Variants in DNAH9 observed in about 807,000 individuals in gnomAD.
DNAH9 encodes the protein dynein axonemal heavy chain 9.
Under a neutral mutation model 471.6 loss-of-function variants are expected in DNAH9, and 345 were observed. The ratio of observed to expected loss-of-function variants is 0.73; its 90% CI spans 0.67 to 0.80. DNAH9 has a LOEUF of 0.80. Ranked by LOEUF, DNAH9 falls within the 30% of genes least tolerant of loss-of-function variation. DNAH9 has a pLI of 0.00. For missense variants in DNAH9, 5,407 were observed against 5,609.2 expected, an observed-to-expected ratio of 0.96 and a Z score of 1.15; for synonymous variants, 2,093 against 2,123.6, an observed-to-expected ratio of 0.99 and a Z score of 0.40.
chr17:11,969,432 C>T lies in DNAH9; in HGVS notation c.13366C>T (p.Arg4456Trp), dbSNP rs767542488. 1.2e-6 allele frequency: 2 copies of T among 1,613,864 alleles called. No homozygotes were observed. Among genetic ancestry groups the T allele is most frequent in the East Asian group, 2.2e-5 (1 of 44,868 alleles). ...CTGTCCTGTGTACAAGACTAGTCAGCGGGGACCCACCTACGTGTGGACTTT... is the reference window on the plus strand; with the variant it reads ...CTGTCCTGTGTACAAGACTAGTCAGTGGGGACCCACCTACGTGTGGACTTT... Reference protein sequence around the residue: ...YSCPVYKTSQRGPTYVWTFNL... With the variant: ...YSCPVYKTSQWGPTYVWTFNL... Residue 4456 changes from arginine (R) to tryptophan (W), a missense_variant, in exon 69 of 69, where the codon CGG becomes TGG. Arg to Trp is a moderately radical substitution (Grantham distance 101). Transcript: ENST00000262442.
Position 11,727,839 on chromosome 17 carries a change from G to A in DNAH9, c.5731G>A (p.Gly1911Ser). The A allele has an allele frequency of 6.2e-7, 1 of 1,613,858 alleles. No individual in the cohort carries two copies. The highest frequency in any genetic ancestry group is 8.5e-7 in the Non-Finnish European group (1 of 1,179,750). Reference protein sequence around the residue: ...DYKSCGNIYKGLAQTGAWGCF... With the variant: ...DYKSCGNIYKSLAQTGAWGCF... ...GCAGTCTTGTGGCAACATCTACAAA[G>A]GCCTTGCTCAGACTGGTGCCTGGGG... The change falls in exon 28 of 69, where the codon GGC (glycine) becomes AGC (serine). Residue 1911 changes from glycine (G) to serine (S), a missense_variant. Gly to Ser is a moderately conservative substitution (Grantham distance 56). Coordinates refer to ENST00000262442, the MANE Select transcript of DNAH9 (RefSeq NM_001372.4).
Position 11,797,219 on chromosome 17 carries a change from A to C in DNAH9, c.8224-378A>C, listed in dbSNP as rs76428087. 3.4e-3 allele frequency among the ~76,000 whole-genome samples: 511 copies of C among 152,218 alleles called. 6 individuals are homozygous for C. The highest frequency in any genetic ancestry group is 0.012 in the African/African-American group (485 of 41,526). ...AGATCTGTTGGAATGTACATGCAGAAAGTGAGGCGATTGGGCCACGATCCC... is the reference window on the plus strand; with the variant it reads ...AGATCTGTTGGAATGTACATGCAGACAGTGAGGCGATTGGGCCACGATCCC... On this transcript the variant is annotated intron_variant, in intron 42 of 68. Transcript: ENST00000262442.
In DNAH9 at chr17:11,937,637, A is replaced by G; in HGVS notation, c.12660+115A>G. On this transcript the variant is annotated intron_variant, in intron 66 of 68. Coordinates refer to ENST00000262442, the MANE Select transcript of DNAH9 (RefSeq NM_001372.4). The surrounding 1 kb of genome is among the most constrained non-coding windows in gnomAD (Gnocchi z 4.1). ...ACACAGCATAGACAACACACAAAGC[A>G]CCAACCACCTGCAGCCTGGAGATGC... is the stretch of plus-strand genomic sequence containing the variant. 1.7e-6 allele frequency: 2 copies of G among 1,162,412 alleles called. No homozygotes were observed. The highest frequency in any genetic ancestry group is 2.7e-5 in the East Asian group (1 of 36,520). 72.0% of individuals were successfully genotyped at this position (1,162,412 alleles called of 1,614,324 possible).
intron 59 of DNAH9, among the ~76,000 whole-genome samples, chr17:11,895,437 GAGTAA>G (rs1973190241): frequency 6.6e-6 from 1 of 152,186 alleles, no homozygotes; most frequent in African/African-American, 2.4e-5. Context: ...AGAAGTATAA[GAGTAA>G]AGTAATATGA....
chr17:11,884,156 C>T (rs994663921), intron 56 of DNAH9, among the ~76,000 whole-genome samples: 2 of 152,078 alleles, frequency 1.3e-5, no homozygotes, highest in African/African-American at 4.8e-5. Flanking sequence ...CTGACAAAAC[C>T]CACCGGACCG....
chr17:11,729,072 G>A (rs2075210836), intron 28 of DNAH9, among the ~76,000 whole-genome samples: 1 of 152,154 alleles, frequency 6.6e-6, no homozygotes, highest in African/African-American at 2.4e-5. Context: ...AGGCATCAGA[G>A]AACCCCCAGA....
intron 32 of DNAH9, among the ~76,000 whole-genome samples, chr17:11,748,917 C>T (rs12944564): frequency 6.6e-6 from 1 of 152,118 alleles, no homozygotes; most frequent in South Asian, 2.1e-4. Flanking sequence ...GAGCTTTCAT[C>T]TGAGGTCTAG....
Position 11,881,422 on chromosome 17 carries a change from A to G in DNAH9, c.10806+9A>G. On this transcript the variant is annotated intron_variant, in intron 55 of 68. Transcript: ENST00000262442. ...ACTTGGAGCAGCTGAAGGTGAGGAC[A>G]GAAGGGAGAAAATGTTCTGCCACTA... 6.2e-7 allele frequency: 1 copy of G among 1,605,804 alleles called. No homozygotes were observed. The highest frequency in any genetic ancestry group is 8.5e-7 in the Non-Finnish European group (1 of 1,175,660).
intron 49 of DNAH9, among the ~76,000 whole-genome samples, chr17:11,835,902 GC>G (rs758428807): frequency 5.9e-5 from 9 of 152,112 alleles, no homozygotes; most frequent in Non-Finnish European, 7.4e-5. Flanking sequence ...GCTCTAAGAG[GC>G]CCCCCATGCC....
intron 6 of DNAH9, among the ~76,000 whole-genome samples, chr17:11,622,042 C>T (rs1003943526): frequency 9.3e-5 from 14 of 150,428 alleles, no homozygotes; most frequent in Admixed American, 2.6e-4. Context: ...GCTGAGATCG[C>T]GCCACTGCAC....
At chr17:11,838,399 A>G (rs1970917569) in intron 49 of DNAH9, among the ~76,000 whole-genome samples, 2 of 152,332 alleles carry the variant, frequency 1.3e-5, no homozygotes, top group Middle Eastern at 3.4e-3. Flanking sequence ...AGAAATAAAA[A>G]TTAAAAAATT....
chr17:11,914,530 G>T (rs1005032513), intron 61 of DNAH9, among the ~76,000 whole-genome samples: 2 of 152,070 alleles, frequency 1.3e-5, no homozygotes, highest in African/African-American at 2.4e-5. Flanking sequence ...TATCAGAAAA[G>T]ACTCATGAGA....
At chr17:11,716,492 A>G (rs982419442) in intron 26 of DNAH9, among the ~76,000 whole-genome samples, 3 of 151,882 alleles carry the variant, frequency 2.0e-5, no homozygotes, top group African/African-American at 7.3e-5. Context: ...GTCTCCCCAT[A>G]TGTAAAATAG....
intron 48 of DNAH9, among the ~76,000 whole-genome samples, chr17:11,833,037 G>A (rs1414366189): frequency 6.6e-6 from 1 of 152,186 alleles, no homozygotes; most frequent in Non-Finnish European, 1.5e-5. Flanking sequence ...TAGGACTTGA[G>A]AGTTTGCATT....
At chr17:11,728,935 C>T (rs1056226507) in intron 28 of DNAH9, among the ~76,000 whole-genome samples, 29 of 152,194 alleles carry the variant, frequency 1.9e-4, no homozygotes, top group African/African-American at 6.8e-4. Context: ...TGTGCCCCCA[C>T]CAACACTGTC....
chr17:11,822,366 AG>A, intron 46 of DNAH9, 71 bp from the exon 47 acceptor site: 1 of 1,558,694 alleles, frequency 6.4e-7, no homozygotes, highest in South Asian at 1.2e-5. Flanking sequence ...AGAGAACCCA[AG>A]GCCATATCTG....
intron 57 of DNAH9, among the ~76,000 whole-genome samples, chr17:11,889,591 G>T (rs775702135): frequency 2.6e-5 from 4 of 152,180 alleles, no homozygotes; most frequent in Non-Finnish European, 5.9e-5. Context: ...GATACCCTTG[G>T]TCTAGAGCGT....
At chr17:11,817,253 T>C (rs1258956449) in intron 45 of DNAH9, among the ~76,000 whole-genome samples, 2 of 152,138 alleles carry the variant, frequency 1.3e-5, no homozygotes, top group African/African-American at 4.8e-5. Flanking sequence ...GGAACAAATA[T>C]GAAAATGCAA....
At position 11,598,737 on chromosome 17, in the gene DNAH9, G is replaced by A. The variant is rs935612554; in HGVS notation, c.239G>A (p.Gly80Asp). 5 of 1,409,620 alleles carry A rather than the reference G, an allele frequency of 3.5e-6. No individual in the cohort carries two copies. Among genetic ancestry groups the A allele is most frequent in the South Asian group, 3.0e-5 (2 of 67,084 alleles). 87.3% of individuals were successfully genotyped at this position (1,409,620 alleles called of 1,614,324 possible). A position where few individuals can be genotyped will look rare whatever the true frequency, so the allele number is the denominator to read the frequency against. Residue 80 changes from glycine (G) to aspartate (D), a missense_variant, in exon 1 of 69, where the codon GGC becomes GAC. Coordinates refer to ENST00000262442, the MANE Select transcript of DNAH9 (RefSeq NM_001372.4). ...PLLVVRPGPR[G>D]LAIRPGLEVG... ...CTGGTGGTGCGGCCCGGGCCCAGGGGCCTGGCAATACGCCCCGGGCTGGAG... is the reference window on the plus strand; with the variant it reads ...CTGGTGGTGCGGCCCGGGCCCAGGGACCTGGCAATACGCCCCGGGCTGGAG...
Sources: gnomAD v4.1 joint callset for allele counts (sites outside exome capture counted in the v4.1 genomes callset) on GRCh38, gnomAD v4.1.1 for gene constraint, Gnocchi (gnomAD v3.1) non-coding constraint, MANE v1.5 for transcripts, NCBI Gene and HGNC (gene_info 2026-07-23, HGNC 2026-07-21) for gene names.